ANKRD11: variants seen among roughly 807,000 people sequenced by gnomAD.
The protein encoded by ANKRD11 is ankyrin repeat domain 11, also known as ankyrin repeat domain-containing protein 11.
ANKRD11 carries 17 observed loss-of-function variants against 195.7 expected under a neutral mutation model. That is an observed-to-expected ratio of 0.09 (90% CI 0.06 to 0.13). ANKRD11 has a LOEUF of 0.13. ANKRD11 is among the 10% of genes least tolerant of loss of function. ANKRD11 has a pLI of 1.00. For synonymous variants in ANKRD11, 1,953 were observed against 1,528.1 expected (o/e 1.28, Z -6.49); for missense variants, 3,735 against 3,566.1 (o/e 1.05, Z -1.21).
At chr16:89,445,468 G>T (rs889605369) in intron 1 of ANKRD11, among the ~76,000 whole-genome samples, 3 of 152,004 alleles carry the variant, frequency 2.0e-5, no homozygotes, top group Admixed American at 2.0e-4. Flanking sequence ...ACCCCAACCT[G>T]CAAACATACC....
At chr16:89,352,313 G>A (rs1038977111) in intron 2 of ANKRD11, among the ~76,000 whole-genome samples, 9 of 151,922 alleles carry the variant, frequency 5.9e-5, no homozygotes, top group Non-Finnish European at 1.2e-4. Context: ...ACGCGGTGCA[G>A]AGCCCTGGGG....
intron 1 of ANKRD11, among the ~76,000 whole-genome samples, chr16:89,440,708 A>C (rs1320195668): frequency 2.6e-5 from 4 of 152,350 alleles, no homozygotes; most frequent in Admixed American, 1.3e-4. Context: ...AACTCACAGC[A>C]ACGTGGGCAG....
At chr16:89,358,322 T>C (rs2039579374) in intron 2 of ANKRD11, among the ~76,000 whole-genome samples, 1 of 152,162 alleles carries the variant, frequency 6.6e-6, no homozygotes, top group Non-Finnish European at 1.5e-5. Context: ...CACAGCTGCA[T>C]ATTCACGGGA....
intron 2 of ANKRD11, among the ~76,000 whole-genome samples, chr16:89,335,430 G>A (rs946038472): frequency 2.6e-5 from 4 of 152,198 alleles, no homozygotes; most frequent in Admixed American, 1.3e-4. Context: ...GGTCTCTGCC[G>A]TCCTGAGCTT....
chr16:89,400,826 A>G lies in ANKRD11; in HGVS notation c.-60+17458T>C, dbSNP rs35139501. Among the ~76,000 whole-genome samples the G allele has an allele frequency of 9.4e-3, 1,374 of 146,394 alleles. 35 individuals carry two copies. The highest frequency in any genetic ancestry group is 0.017 in the Non-Finnish European group (1,075 of 65,018). On this transcript the variant is annotated intron_variant, in intron 2 of 12. Coordinates refer to ENST00000301030, the MANE Select transcript of ANKRD11 (RefSeq NM_013275.6). ...GCTGCCCCAGGCTTCCCTGCGCTGG[A>G]GGCTGGTCATCTGACGGGAACCCCT... is the stretch of plus-strand genomic sequence containing the variant.
chr16:89,374,214 A>G (rs765430992), intron 2 of ANKRD11, among the ~76,000 whole-genome samples: 17 of 152,146 alleles, frequency 1.1e-4, no homozygotes, highest in Non-Finnish European at 2.2e-4. Context: ...GACTTCAAAG[A>G]TTTACAGTAT....
At chr16:89,275,212 TG>T in intron 9 of ANKRD11, 21 bp from the exon 10 acceptor site, 2 of 1,588,036 alleles carry the variant, frequency 1.3e-6, no homozygotes, top group Non-Finnish European at 8.6e-7. Flanking sequence ...AAGGTGAGTG[TG>T]GGGGGTCAGC....
chr16:89,484,857 T>G (rs2057553058), intron 1 of ANKRD11, among the ~76,000 whole-genome samples: 1 of 152,112 alleles, frequency 6.6e-6, no homozygotes, highest in African/African-American at 2.4e-5. Context: ...ATTGGTTGCT[T>G]TACACGTGGA....
In ANKRD11 at chr16:89,282,650, C is replaced by T. The variant is rs1555528234; in HGVS notation, c.3892G>A (p.Asp1298Asn). 3.7e-6 allele frequency: 6 copies of T among 1,614,042 alleles called. No homozygotes were observed. The highest frequency in any genetic ancestry group is 1.1e-5 in the South Asian group (1 of 91,080). ...TCAGAGGAGACCTCGCTGATTTTAT[C>T]GTTGGAGTCTTCTCTGTACTCATGG... ...ALHEYREDSN[D>N]KISEVSSDSF... Residue 1298 changes from aspartate to asparagine, a missense_variant, in exon 9 of 13, where the codon GAT (aspartate) becomes AAT (asparagine). Physicochemically the swap from Asp to Asn is conservative, Grantham distance 23. Transcript: ENST00000301030.
chr16:89,390,723 A>T (rs1239991508), intron 2 of ANKRD11, among the ~76,000 whole-genome samples: 1 of 152,204 alleles, frequency 6.6e-6, no homozygotes, highest in Non-Finnish European at 1.5e-5. Context: ...AGCACCCGTA[A>T]GTCCTGCAGA....
At chr16:89,272,897 A>G (rs560172907) in intron 11 of ANKRD11, 1 of 152,204 alleles carries the variant, frequency 6.6e-6, no homozygotes, top group Non-Finnish European at 1.5e-5. Context: ...ATAAGCATAC[A>G]AAGACAAACA....
At chr16:89,489,034 T>C (rs1027127954) in intron 1 of ANKRD11, 3 of 152,028 alleles carry the variant, frequency 2.0e-5, no homozygotes, top group African/African-American at 4.8e-5. Flanking sequence ...TATATAACAC[T>C]AACCTTCCAA....
At chr16:89,433,564 G>A (rs1427125834) in intron 1 of ANKRD11, among the ~76,000 whole-genome samples, 1 of 152,246 alleles carries the variant, frequency 6.6e-6, no homozygotes, top group Non-Finnish European at 1.5e-5. Flanking sequence ...GAGAAGAACA[G>A]GGTTGGACGT....
At chr16:89,476,960 A>G (rs974599065) in intron 1 of ANKRD11, among the ~76,000 whole-genome samples, 7 of 152,230 alleles carry the variant, frequency 4.6e-5, no homozygotes, top group East Asian at 3.9e-4. Context: ...GTAACAATCT[A>G]TAATACGAGG....
Position 89,281,797 on chromosome 16 carries a change from C to G in ANKRD11, c.4745G>C (p.Ser1582Thr). 6.2e-7 allele frequency: 1 copy of G among 1,614,096 alleles called. No homozygotes were observed. Among genetic ancestry groups the G allele is most frequent in the Non-Finnish European group, 8.5e-7 (1 of 1,180,030 alleles). Residue 1582 changes from serine (S) to threonine (T), a missense_variant, in exon 9 of 13, where the codon AGC (serine) becomes ACC (threonine). Coordinates refer to ENST00000301030, the MANE Select transcript of ANKRD11 (RefSeq NM_013275.6). This position sits in a 1 kb window ranked among gnomAD's most constrained non-coding sequence, Gnocchi z 5.5. ...LLGDGDLMMTSFERMLSQKDL... is the reference protein window; with the variant it reads ...LLGDGDLMMTTFERMLSQKDL... ...CTTCTGGGACAGCATCCTCTCGAAG[C>G]TGGTCATCATCAGGTCGCCGTCCCC...
chr16:89,300,645 AT>A (rs1213144855), intron 4 of ANKRD11: 2 of 503,290 alleles, frequency 4.0e-6, no homozygotes, highest in Non-Finnish European at 3.5e-6. Flanking sequence ...CCCTCCAGGA[AT>A]GGGGAAGCAG....
intron 1 of ANKRD11, chr16:89,420,245 G>C (rs1329727606): frequency 6.6e-6 from 1 of 152,242 alleles, no homozygotes; most frequent in Non-Finnish European, 1.5e-5. Flanking sequence ...AGGAACCCCA[G>C]CATCGACCTC....
chr16:89,432,682 C>T (rs554930776), intron 1 of ANKRD11, among the ~76,000 whole-genome samples: 2 of 152,104 alleles, frequency 1.3e-5, no homozygotes, highest in Non-Finnish European at 2.9e-5. Flanking sequence ...CGAGACCTTA[C>T]CAGTCACACA....
At chr16:89,453,641 A>G (rs2056291000) in intron 1 of ANKRD11, among the ~76,000 whole-genome samples, 1 of 152,224 alleles carries the variant, frequency 6.6e-6, no homozygotes, top group Non-Finnish European at 1.5e-5. Context: ...AGCACAAAGC[A>G]TCTGTTCAAG....
Sources: allele counts gnomAD v4.1 joint callset (sites outside exome capture counted in the v4.1 genomes callset), GRCh38; gene constraint gnomAD v4.1.1; non-coding constraint Gnocchi (gnomAD v3.1); transcripts MANE v1.5; gene names NCBI Gene and HGNC (gene_info 2026-07-23, HGNC 2026-07-21).